The following PLEKHA2 variants were observed in gnomAD, a reference collection of about 807,000 sequenced individuals.
The protein encoded by PLEKHA2 is pleckstrin homology domain containing A2.
A neutral mutation model predicts 53.2 loss-of-function variants in PLEKHA2; 28 were observed. The ratio of observed to expected loss-of-function variants is 0.53; its 90% confidence interval spans 0.39 to 0.72. The LOEUF is 0.72. Among genes scored for constraint, PLEKHA2 ranks in the 30% least tolerant of loss-of-function variants. The pLI is 0.00. For synonymous variants in PLEKHA2, 193 were observed against 196.4 expected (o/e 0.98, Z 0.14); for missense variants, 426 against 537.9 (o/e 0.79, Z 2.06).
Position 38,950,721 on chromosome 8 carries a change from GGGA to G in PLEKHA2, c.346-125_346-123del, listed in dbSNP as rs1390011547. 4.4e-6 allele frequency: 5 copies of G among 1,142,738 alleles called. No homozygotes were observed. The African/African-American group carries it at 7.8e-5, about 18-fold the overall frequency. 70.8% of individuals were successfully genotyped at this position (1,142,738 alleles called of 1,614,324 possible). On this transcript the variant is annotated intron_variant, in intron 5 of 11. Coordinates refer to ENST00000617275, the MANE Select transcript of PLEKHA2 (RefSeq NM_021623.2). ...TCAGATTTGGACTGTGGAAGGCTTGGGGAGGACACGCAAGTCTGACTGTAATTT... is the reference window on the plus strand; with the variant it reads ...TCAGATTTGGACTGTGGAAGGCTTGGGGACACGCAAGTCTGACTGTAATTT...
chr8:38,957,411 T>A, intron 10 of PLEKHA2, 25 bp downstream of exon 10: 1 of 1,583,738 alleles, frequency 6.3e-7, no homozygotes, highest in Non-Finnish European at 8.7e-7. Context: ...TCCAGAAGAC[T>A]CCAGCATTCT....
At chr8:38,918,585 GCA>G (rs1564110085) in intron 2 of PLEKHA2, among the ~76,000 whole-genome samples, 1 of 3,196 alleles carries the variant, frequency 3.1e-4, no homozygotes, top group Non-Finnish European at 7.5e-4. Context: ...GCACACACAT[GCA>G]CACACATCCC....
chr8:38,968,490 C>T, intron 10 of PLEKHA2, 102 bp from the exon 11 acceptor site: 1 of 1,095,878 alleles, frequency 9.1e-7, no homozygotes, highest in Non-Finnish European at 1.4e-6. Flanking sequence ...TGCTTTCTAC[C>T]CCTAATGGTG....
chr8:38,907,473 T>C (rs1833894667), intron 1 of PLEKHA2, among the ~76,000 whole-genome samples: 1 of 152,206 alleles, frequency 6.6e-6, no homozygotes, highest in Non-Finnish European at 1.5e-5. Flanking sequence ...CCTTTATAGC[T>C]TTTCTTTAAA....
chr8:38,944,257 A>G (rs1834665959), intron 4 of PLEKHA2, among the ~76,000 whole-genome samples: 6 of 152,094 alleles, frequency 3.9e-5, no homozygotes, highest in Admixed American at 3.9e-4. Flanking sequence ...GCTCACACCT[A>G]TAATCCCAGC....
At chr8:38,953,202 C>A in intron 8 of PLEKHA2, 95 bp from the exon 9 acceptor site, 1 of 996,052 alleles carries the variant, frequency 1.0e-6, no homozygotes, top group Non-Finnish European at 1.6e-6. Context: ...TGATTTTAGC[C>A]AACCATCTCT....
intron 2 of PLEKHA2, among the ~76,000 whole-genome samples, chr8:38,930,266 A>T (rs532013213): frequency 1.4e-4 from 22 of 152,182 alleles, no homozygotes; most frequent in South Asian, 1.0e-3. Context: ...CAGTGGCGCA[A>T]TCTCGGCTCA....
intron 1 of PLEKHA2, among the ~76,000 whole-genome samples, chr8:38,904,898 A>G (rs1264384210): frequency 6.6e-6 from 1 of 152,120 alleles, no homozygotes; most frequent in Non-Finnish European, 1.5e-5. Flanking sequence ...AACAATATTT[A>G]CCCAATGTCT....
chr8:38,948,383 C>T (rs1017786985), intron 5 of PLEKHA2, among the ~76,000 whole-genome samples: 15 of 152,072 alleles, frequency 9.9e-5, no homozygotes, highest in Non-Finnish European at 5.9e-5. Flanking sequence ...GAAAATCATG[C>T]CTGGTTGATA....
chr8:38,925,959 G>T (rs560892797), intron 2 of PLEKHA2, among the ~76,000 whole-genome samples: 3 of 152,254 alleles, frequency 2.0e-5, no homozygotes, highest in Non-Finnish European at 4.4e-5. Flanking sequence ...TTGGGCAATA[G>T]ATGCACGTGG....
chr8:38,959,584 C>T (rs965816430), intron 10 of PLEKHA2, among the ~76,000 whole-genome samples: 4 of 152,178 alleles, frequency 2.6e-5, no homozygotes, highest in African/African-American at 9.7e-5. Context: ...CAAGGATTGC[C>T]TGGCCCTGTG....
Position 38,973,681 on chromosome 8 carries a change from A to C in PLEKHA2, c.*3898A>C, listed in dbSNP as rs1377228237. The C allele has an allele frequency of 6.7e-6, 1 of 150,312 alleles. No homozygotes were observed. Among genetic ancestry groups the C allele is most frequent in the Admixed American group, 6.7e-5 (1 of 14,868 alleles). The allele number at this position is 150,312 out of a possible 1,614,324, so 9.3% of individuals were successfully genotyped here. A position where few individuals can be genotyped will look rare whatever the true frequency, so the allele number is the denominator to read the frequency against. On this transcript the variant is annotated 3_prime_UTR_variant, in exon 12 of 12. Coordinates refer to ENST00000617275, the MANE Select transcript of PLEKHA2 (RefSeq NM_021623.2). ...AGTTCAGATAAAGCAAACGTTTGGC[A>C]AAAACATACTGTTTGACCTCCTCCC...
chr8:38,919,005 C>T (rs548766867), intron 2 of PLEKHA2, among the ~76,000 whole-genome samples: 131 of 152,336 alleles, frequency 8.6e-4, no homozygotes, highest in African/African-American at 3.0e-3. Context: ...CCTGTGGCTG[C>T]TCCTGCTCTT....
intron 2 of PLEKHA2, among the ~76,000 whole-genome samples, chr8:38,928,968 G>A (rs72638505): frequency 0.06 from 9,067 of 152,236 alleles, 328 homozygotes; most frequent in East Asian, 0.13. Flanking sequence ...GTCAGGGTGA[G>A]GGCTTTGGAA....
intron 3 of PLEKHA2, 91 bp downstream of exon 3, chr8:38,936,141 T>A: frequency 4.4e-6 from 6 of 1,372,838 alleles, no homozygotes; most frequent in Non-Finnish European, 1.0e-6. Flanking sequence ...TGGGCATTAG[T>A]ATTTAGGGAC....
At chr8:38,905,450 C>T (rs1389983243) in intron 1 of PLEKHA2, among the ~76,000 whole-genome samples, 2 of 108,650 alleles carry the variant, frequency 1.8e-5, no homozygotes, top group African/African-American at 7.1e-5. Context: ...AGAGCGAGAC[C>T]CTGCCTCTAA....
chr8:38,953,886 G>C (rs1356562305), intron 9 of PLEKHA2, among the ~76,000 whole-genome samples: 2 of 152,180 alleles, frequency 1.3e-5, no homozygotes, highest in Non-Finnish European at 2.9e-5. Context: ...AGGAAGAACA[G>C]GTATTTTAAA....
chr8:38,955,653 C>T (rs2129423060), intron 9 of PLEKHA2, among the ~76,000 whole-genome samples: 1 of 152,330 alleles, frequency 6.6e-6, no homozygotes, highest in South Asian at 2.1e-4. Context: ...GATCTCTGGT[C>T]TCATGCACTC....
At chr8:38,905,085 C>G (rs1377393366) in intron 1 of PLEKHA2, among the ~76,000 whole-genome samples, 1 of 152,180 alleles carries the variant, frequency 6.6e-6, no homozygotes, top group African/African-American at 2.4e-5. Flanking sequence ...TCCCTTCACT[C>G]CACTGCATGG....
Sources: allele counts gnomAD v4.1 joint callset (sites outside exome capture counted in the v4.1 genomes callset), GRCh38; gene constraint gnomAD v4.1.1; transcripts MANE v1.5; gene names NCBI Gene and HGNC (gene_info 2026-07-23, HGNC 2026-07-21).